Variants in PELI2 observed in about 807,000 individuals in gnomAD.
PELI2 encodes E3 ubiquitin-protein ligase pellino homolog 2.
Under a neutral mutation model 42.3 loss-of-function variants are expected in PELI2, and 23 were observed. That is an observed-to-expected ratio of 0.54 (90% CI 0.39 to 0.77). The LOEUF (loss-of-function observed/expected upper bound fraction) is 0.77. Ranked by LOEUF, PELI2 falls within the 30% of genes least tolerant of loss-of-function variation. The probability of loss-of-function intolerance (pLI) is 0.00; values close to 1 mark genes in which losing one functional copy is unlikely to be tolerated. For synonymous variants in PELI2, 245 were observed against 212.2 expected, an observed-to-expected ratio of 1.15 and a Z score of -1.34; for missense variants, 463 against 553.2, an observed-to-expected ratio of 0.84 and a Z score of 1.64.
chr14:56,280,842 A>T (rs79828832), intron 3 of PELI2, among the ~76,000 whole-genome samples: 7,240 of 152,210 alleles, frequency 0.048, 296 homozygotes, highest in East Asian at 0.23. Context: ...TAGACAAAGG[A>T]TTGATACCTA....
chr14:56,288,704 G>C lies in PELI2; in HGVS notation c.507+70G>C. 8.6e-7 allele frequency: 1 copy of C among 1,166,992 alleles called. No individual in the cohort carries two copies. The highest frequency in any genetic ancestry group is 1.1e-6 in the Non-Finnish European group (1 of 870,326). The allele number at this position is 1,166,992 out of a possible 1,614,324, so 72.3% of individuals were successfully genotyped here. A position where few individuals can be genotyped will look rare whatever the true frequency, so the allele number is the denominator to read the frequency against. ...GATTATGATATGGAACATTTAATTG[G>C]AGCAAAAAAAAATTGGCTTTGTATG... is the stretch of plus-strand genomic sequence containing the variant. On this transcript the variant is annotated intron_variant, in intron 4 of 5. Coordinates refer to ENST00000267460, the MANE Select transcript of PELI2 (RefSeq NM_021255.3). This position sits in a 1 kb window ranked among gnomAD's most constrained non-coding sequence, Gnocchi z 4.6.
At chr14:56,173,904 T>A (rs553507526) in intron 1 of PELI2, among the ~76,000 whole-genome samples, 4 of 152,250 alleles carry the variant, frequency 2.6e-5, no homozygotes, top group African/African-American at 9.6e-5. Flanking sequence ...GTGACATGGA[T>A]GTATCTTTTT....
At chr14:56,211,838 A>G (rs1483900888) in intron 2 of PELI2, among the ~76,000 whole-genome samples, 1 of 151,938 alleles carries the variant, frequency 6.6e-6, no homozygotes, top group African/African-American at 2.4e-5. Flanking sequence ...TAGGCAATCC[A>G]TCTCTTCTTT....
At chr14:56,170,356 C>T (rs1390639643) in intron 1 of PELI2, among the ~76,000 whole-genome samples, 2 of 152,228 alleles carry the variant, frequency 1.3e-5, no homozygotes, top group Non-Finnish European at 2.9e-5. Flanking sequence ...GAGCACCTAG[C>T]ATCCCCCTTC....
chr14:56,235,440 T>A (rs1887756079), intron 2 of PELI2, among the ~76,000 whole-genome samples: 1 of 152,230 alleles, frequency 6.6e-6, no homozygotes, highest in Non-Finnish European at 1.5e-5. Flanking sequence ...GAACTCCAGT[T>A]GACATCTTGA....
chr14:56,164,510 A>G (rs982815625), intron 1 of PELI2, among the ~76,000 whole-genome samples: 1 of 151,834 alleles, frequency 6.6e-6, no homozygotes, highest in African/African-American at 2.4e-5. Flanking sequence ...TCTTTTTTTG[A>G]TGTGTCTTCA....
chr14:56,139,582 C>A (rs927922027), intron 1 of PELI2, among the ~76,000 whole-genome samples: 1 of 152,044 alleles, frequency 6.6e-6, no homozygotes, highest in East Asian at 1.9e-4. Context: ...TTTAGATTTA[C>A]TTTTGTTAAG....
intron 2 of PELI2, among the ~76,000 whole-genome samples, chr14:56,269,274 C>G (rs901775020): frequency 1.3e-5 from 2 of 151,912 alleles, no homozygotes; most frequent in African/African-American, 4.8e-5. Flanking sequence ...AAACCCATCT[C>G]TACAAAAAAA....
intron 2 of PELI2, among the ~76,000 whole-genome samples, chr14:56,231,575 A>C (rs1887573673): frequency 6.6e-6 from 1 of 152,264 alleles, no homozygotes; most frequent in Non-Finnish European, 1.5e-5. Flanking sequence ...ACAAAGACAC[A>C]ACATACCAGA....
At chr14:56,224,283 A>AT (rs1196135839) in intron 2 of PELI2, among the ~76,000 whole-genome samples, 1 of 152,182 alleles carries the variant, frequency 6.6e-6, no homozygotes, top group Non-Finnish European at 1.5e-5. Context: ...TAGAGACGTG[A>AT]TTTAGACTCA....
chr14:56,152,748 T>G (rs935923419), intron 1 of PELI2, among the ~76,000 whole-genome samples: 1 of 152,200 alleles, frequency 6.6e-6, no homozygotes, highest in Non-Finnish European at 1.5e-5. Flanking sequence ...ATAACCAAAT[T>G]AGTTTATAAT....
At chr14:56,155,693 T>C (rs1256912879) in intron 1 of PELI2, among the ~76,000 whole-genome samples, 1 of 152,004 alleles carries the variant, frequency 6.6e-6, no homozygotes, top group Non-Finnish European at 1.5e-5. Flanking sequence ...CCCATTCTCC[T>C]GCCTCAGCTT....
At chr14:56,277,750 T>C (rs143662232) in intron 2 of PELI2, among the ~76,000 whole-genome samples, 41 of 152,160 alleles carry the variant, frequency 2.7e-4, no homozygotes, top group African/African-American at 9.9e-4. Flanking sequence ...GGAGAAATAC[T>C]TAAATGTTAA....
At chr14:56,239,085 C>T (rs1277513821) in intron 2 of PELI2, among the ~76,000 whole-genome samples, 1 of 151,854 alleles carries the variant, frequency 6.6e-6, no homozygotes, top group Non-Finnish European at 1.5e-5. Context: ...CCTTTTTATG[C>T]TAATTATGTG....
chr14:56,282,087 C>T lies in PELI2; in HGVS notation c.309+2310C>T, dbSNP rs1594712183. Reference sequence around the variant, plus strand: ...CCCCAGAGATATCCTTACCTACATGCGCAACGCCATTTGTACAGAGTTATT... The same window carrying T: ...CCCCAGAGATATCCTTACCTACATGTGCAACGCCATTTGTACAGAGTTATT... On this transcript the variant is annotated intron_variant, in intron 3 of 5. Coordinates refer to ENST00000267460, the MANE Select transcript of PELI2 (RefSeq NM_021255.3). 2.6e-5 allele frequency among the ~76,000 whole-genome samples: 4 copies of T among 152,072 alleles called. No individual in the cohort carries two copies. The South Asian group carries it at 6.2e-4, about 24-fold the overall frequency.
At chr14:56,279,873 G>A in intron 3 of PELI2, 96 bp downstream of exon 3, 1 of 542,002 alleles carries the variant, frequency 1.8e-6, no homozygotes, top group Non-Finnish European at 3.2e-6. Flanking sequence ...GTATGTCCAG[G>A]GGGAAAGAGT....
intron 1 of PELI2, among the ~76,000 whole-genome samples, chr14:56,173,740 C>T: frequency 6.6e-6 from 1 of 152,160 alleles, no homozygotes; most frequent in Non-Finnish European, 1.5e-5. Flanking sequence ...ATCACATGGT[C>T]GTCTCCTCTC....
chr14:56,283,215 TA>T (rs1458031170), intron 3 of PELI2, among the ~76,000 whole-genome samples: 1 of 152,240 alleles, frequency 6.6e-6, no homozygotes, highest in Admixed American at 6.5e-5. Flanking sequence ...CAGAATGAAT[TA>T]AAAGATTTAG....
chr14:56,192,070 G>A (rs1293771046), intron 2 of PELI2, among the ~76,000 whole-genome samples: 1 of 152,326 alleles, frequency 6.6e-6, no homozygotes, highest in East Asian at 1.9e-4. Context: ...GGCCAGGCTG[G>A]TCTTGAACTG....
Sources: gnomAD v4.1 joint callset for allele counts (sites outside exome capture counted in the v4.1 genomes callset) on GRCh38, gnomAD v4.1.1 for gene constraint, Gnocchi (gnomAD v3.1) non-coding constraint, MANE v1.5 for transcripts, NCBI Gene and HGNC (gene_info 2026-07-23, HGNC 2026-07-21) for gene names.